TBC1D19: variants seen among roughly 807,000 people sequenced by gnomAD.
TBC1D19 encodes TBC1 domain family, member 19.
A neutral mutation model predicts 89.0 loss-of-function variants in TBC1D19; 60 were observed. The observed-to-expected ratio is 0.67, with a 90% CI of 0.55 to 0.84. The LOEUF (loss-of-function observed/expected upper bound fraction) is 0.84, where lower values mean the gene tolerates loss of function less well. TBC1D19 is among the 40% of genes least tolerant of loss of function. The pLI is 0.00. For missense variants in TBC1D19, 500 were observed against 610.8 expected (o/e 0.82, Z 1.91); for synonymous variants, 189 against 199.7 (o/e 0.95, Z 0.45).
At chr4:26,815,118 TCTC>T in the TBC1D19 span, among the ~76,000 whole-genome samples, 2 of 152,240 alleles carry the variant, frequency 1.3e-5, no homozygotes, top group African/African-American at 2.4e-5. Flanking sequence ...AAAATTATCT[TCTC>T]CTTCTCATCC....
intron 8 of TBC1D19, among the ~76,000 whole-genome samples, chr4:26,660,953 C>T (rs1560455173): frequency 6.6e-6 from 1 of 152,218 alleles, no homozygotes; most frequent in Non-Finnish European, 1.5e-5. Flanking sequence ...CCTGACTAGA[C>T]ACTGACTGAT....
At chr4:26,788,023 C>T in the TBC1D19 span, among the ~76,000 whole-genome samples, 3 of 152,200 alleles carry the variant, frequency 2.0e-5, no homozygotes, top group East Asian at 3.9e-4. Context: ...GAAGCAAGTC[C>T]CCTTAAACCT....
intron 1 of TBC1D19, among the ~76,000 whole-genome samples, chr4:26,600,658 C>T (rs1577777867): frequency 6.6e-6 from 1 of 152,274 alleles, no homozygotes; most frequent in South Asian, 2.1e-4. Context: ...GACAAGACAG[C>T]CAGTGCTGGA....
chr4:26,727,576 C>T (rs551142892), intron 15 of TBC1D19, among the ~76,000 whole-genome samples: 3 of 152,258 alleles, frequency 2.0e-5, no homozygotes, highest in East Asian at 1.9e-4. Flanking sequence ...AAATTAACTC[C>T]GTTGTGCTTT....
At chr4:26,858,130 A>G in the TBC1D19 span, 5 of 152,246 alleles carry the variant, frequency 3.3e-5, no homozygotes, top group African/African-American at 4.8e-5. Context: ...AAAGTGGGGA[A>G]ACTGAGGACA....
At chr4:26,579,258 G>A (rs543274553), upstream of TBC1D19, among the ~76,000 whole-genome samples, 5 of 152,194 alleles carry the variant, frequency 3.3e-5, no homozygotes, top group East Asian at 1.9e-4. Context: ...TGGACATCAC[G>A]GCAGAAGAAA....
chr4:26,797,319 A>G, the TBC1D19 span, among the ~76,000 whole-genome samples: 1 of 152,192 alleles, frequency 6.6e-6, no homozygotes. Context: ...AGAATAAAAT[A>G]GGAATACATT....
intron 4 of TBC1D19, among the ~76,000 whole-genome samples, chr4:26,628,101 A>G (rs1465900151): frequency 2.0e-5 from 3 of 152,178 alleles, no homozygotes; most frequent in Non-Finnish European, 2.9e-5. Context: ...AGCTCTCTAC[A>G]TATGGCTAGC....
At chr4:26,843,093 G>C in the TBC1D19 span, among the ~76,000 whole-genome samples, 1 of 152,176 alleles carries the variant, frequency 6.6e-6, no homozygotes, top group African/African-American at 2.4e-5. Context: ...GCACAGGCTT[G>C]TCATGGAGAA....
intron 3 of TBC1D19, among the ~76,000 whole-genome samples, chr4:26,618,368 C>T (rs951463868): frequency 6.6e-6 from 1 of 152,080 alleles, no homozygotes; most frequent in African/African-American, 2.4e-5. Flanking sequence ...TAGAGTTTCT[C>T]AGGGGAAAGA....
chr4:26,810,452 C>T, the TBC1D19 span, among the ~76,000 whole-genome samples: 1 of 152,190 alleles, frequency 6.6e-6, no homozygotes, highest in Non-Finnish European at 1.5e-5. Flanking sequence ...GCAAGGTTTG[C>T]AAGACCCTGT....
the TBC1D19 span, among the ~76,000 whole-genome samples, chr4:26,856,642 G>A: frequency 6.6e-6 from 1 of 152,176 alleles, no homozygotes; most frequent in Admixed American, 6.5e-5. Context: ...ACACTTATTT[G>A]TCTTTTTGAT....
chr4:26,804,012 A>C, the TBC1D19 span, among the ~76,000 whole-genome samples: 2 of 151,812 alleles, frequency 1.3e-5, no homozygotes, highest in Non-Finnish European at 2.9e-5. Context: ...TCCCTTCCTC[A>C]CTCAGACAAT....
intron 13 of TBC1D19, among the ~76,000 whole-genome samples, chr4:26,709,688 A>T (rs917018578): frequency 5.3e-5 from 8 of 151,868 alleles, no homozygotes; most frequent in African/African-American, 1.7e-4. Context: ...ATTAACTGAA[A>T]TTTACCATCC....
intron 4 of TBC1D19, among the ~76,000 whole-genome samples, chr4:26,621,021 C>T (rs921997083): frequency 2.6e-5 from 4 of 152,140 alleles, no homozygotes; most frequent in African/African-American, 9.7e-5. Context: ...TGTGAATGAA[C>T]TGACACCCTC....
chr4:26,740,744 C>G (rs1467530994), intron 17 of TBC1D19: 2 of 985,138 alleles, frequency 2.0e-6, no homozygotes, highest in Non-Finnish European at 2.4e-6. Flanking sequence ...GTGAAACATT[C>G]AATTGGAATA....
At chr4:26,727,439 C>CA (rs960154615) in intron 15 of TBC1D19, among the ~76,000 whole-genome samples, 10 of 152,056 alleles carry the variant, frequency 6.6e-5, no homozygotes, top group African/African-American at 2.4e-4. Flanking sequence ...CTGATACTGA[C>CA]AAAAAAAGAT....
At chr4:26,638,978 A>T (rs1054048365) in intron 6 of TBC1D19, 144 bp downstream of exon 6, 3 of 680,604 alleles carry the variant, frequency 4.4e-6, no homozygotes, top group Non-Finnish European at 5.0e-6. Flanking sequence ...GAAAACCAGA[A>T]TTAGACTGAC....
chr4:26,750,423 T>C (rs1009228957), intron 19 of TBC1D19, among the ~76,000 whole-genome samples: 1 of 152,222 alleles, frequency 6.6e-6, no homozygotes, highest in African/African-American at 2.4e-5. Flanking sequence ...GAATGGGTTC[T>C]TTAACTGTTA....
Sources: gnomAD v4.1 joint callset for allele counts (sites outside exome capture counted in the v4.1 genomes callset) on GRCh38, gnomAD v4.1.1 for gene constraint, MANE v1.5 for transcripts, NCBI Gene and HGNC (gene_info 2026-07-23, HGNC 2026-07-21) for gene names.